CAMTA1: variants seen among roughly 807,000 people sequenced by gnomAD.
CAMTA1 encodes the protein calmodulin binding transcription activator 1.
A neutral mutation model predicts 170.9 loss-of-function variants in CAMTA1; 27 were observed. The ratio of observed to expected loss-of-function variants is 0.16; its 90% CI spans 0.12 to 0.22. The LOEUF (loss-of-function observed/expected upper bound fraction) is 0.22. CAMTA1 is among the 10% of genes least tolerant of loss of function. The probability of loss-of-function intolerance (pLI) is 1.00; values close to 1 mark genes in which losing one functional copy is unlikely to be tolerated. For synonymous variants in CAMTA1, 833 were observed against 891.5 expected, an observed-to-expected ratio of 0.93 and a Z score of 1.17; for missense variants, 1,619 against 2,217.2, an observed-to-expected ratio of 0.73 and a Z score of 5.42.
chr1:6,896,696 G>C (rs555286856), intron 3 of CAMTA1, among the ~76,000 whole-genome samples: 1 of 152,224 alleles, frequency 6.6e-6, no homozygotes, highest in East Asian at 1.9e-4. Context: ...CTACTTCTGA[G>C]GAACCCTTTG....
intron 5 of CAMTA1, among the ~76,000 whole-genome samples, chr1:7,380,569 T>G (rs2087216382): frequency 6.6e-6 from 1 of 152,068 alleles, no homozygotes; most frequent in African/African-American, 2.4e-5. Context: ...AGCGAAACTC[T>G]GTCTCAAAAA....
intron 3 of CAMTA1, among the ~76,000 whole-genome samples, chr1:6,904,830 T>C (rs1678013106): frequency 6.8e-6 from 1 of 148,076 alleles, no homozygotes; most frequent in African/African-American, 2.5e-5. Context: ...TGAGCTCAAG[T>C]GATCCTCCCG....
rs780867973 is a variant in CAMTA1 at position 7,746,087 on chromosome 1, A to G, written c.4613A>G (p.Tyr1538Cys). 6.2e-7 allele frequency: 1 copy of G among 1,613,990 alleles called. No individual in the cohort carries two copies. ...CTTGTCCAGACAGCTTTCCGGAAAT[A>G]CAAGGTAAACTAGAACAGAACCTTC... ...ARLVQTAFRK[Y>C]KGRPLREQQE... The change falls in exon 18 of 23, where the codon TAC becomes TGC. Residue 1538 changes from tyrosine to cysteine, a missense_variant. This residue lies in a region of CAMTA1 where 128 missense variants were observed against 213.5 expected (regional missense o/e 0.60). Coordinates refer to ENST00000303635, the MANE Select transcript of CAMTA1 (RefSeq NM_015215.4).
chr1:7,700,914 T>C (rs983408552), intron 11 of CAMTA1: 2 of 152,236 alleles, frequency 1.3e-5, no homozygotes, highest in Non-Finnish European at 1.5e-5. Context: ...GGACTTTCTG[T>C]TGTGCATCTC....
chr1:6,979,182 G>A (rs1003812097), intron 3 of CAMTA1, among the ~76,000 whole-genome samples: 2 of 152,180 alleles, frequency 1.3e-5, no homozygotes, highest in African/African-American at 4.8e-5. Context: ...TGGAGGGGTG[G>A]ACCAGGCCTG....
rs972054747 is a variant in CAMTA1 at position 6,887,117 on chromosome 1, G to A, written c.234+61907G>A. Among the ~76,000 whole-genome samples, 2 of 152,280 alleles carry A rather than the reference G, an allele frequency of 1.3e-5. No homozygotes were observed. Among genetic ancestry groups the A allele is most frequent in the Admixed American group, 1.3e-4 (2 of 15,298 alleles). ...GCATTGTGTTCTGTTGTATCAATAT[G>A]TACTTAGATATGTTAATCTGAATTA... On this transcript the variant is annotated intron_variant, in intron 3 of 22. Transcript: ENST00000303635. This position sits in a 1 kb window ranked among gnomAD's most constrained non-coding sequence, Gnocchi z 4.1.
chr1:7,351,020 G>A (rs1017313959), intron 5 of CAMTA1, among the ~76,000 whole-genome samples: 3 of 152,226 alleles, frequency 2.0e-5, no homozygotes. Flanking sequence ...GCCCATCACG[G>A]GTGGGGCGCA....
intron 5 of CAMTA1, among the ~76,000 whole-genome samples, chr1:7,364,488 C>T (rs1380126164): frequency 2.1e-4 from 32 of 151,384 alleles, no homozygotes; most frequent in Non-Finnish European, 8.8e-5. Flanking sequence ...CTTGCTCTGT[C>T]ACCCAGGCTG....
rs559747633 is a variant in CAMTA1 at position 7,205,398 on chromosome 1, C to T, written c.303-44093C>T. Reference sequence around the variant, plus strand: ...GATTACAGACGTGAGCCACCATGCCCGGCCTCCAACTACTATTATTGAATG... The same window carrying T: ...GATTACAGACGTGAGCCACCATGCCTGGCCTCCAACTACTATTATTGAATG... On this transcript the variant is annotated intron_variant, in intron 4 of 22. Transcript: ENST00000303635. Among the ~76,000 whole-genome samples, 40 of 152,300 alleles carry T rather than the reference C, an allele frequency of 2.6e-4. No homozygotes were observed. In the South Asian group the frequency reaches 7.5e-3, roughly 28 times the overall value.
chr1:6,841,689 G>A (rs372796835), intron 3 of CAMTA1, among the ~76,000 whole-genome samples: 1 of 152,180 alleles, frequency 6.6e-6, no homozygotes, highest in Non-Finnish European at 1.5e-5. Context: ...GTTCAGGGAC[G>A]ACTGCTGGAA....
chr1:6,832,627 C>T (rs984313627), intron 3 of CAMTA1, among the ~76,000 whole-genome samples: 2 of 152,124 alleles, frequency 1.3e-5, no homozygotes, highest in Non-Finnish European at 2.9e-5. Flanking sequence ...CACCAGTACT[C>T]TAATCATAAA....
At chr1:7,739,634 G>A (rs1477875978) in intron 16 of CAMTA1, among the ~76,000 whole-genome samples, 6 of 152,222 alleles carry the variant, frequency 3.9e-5, no homozygotes, top group Non-Finnish European at 8.8e-5. Context: ...TGGCAGGCAA[G>A]AGAGAATGAG....
chr1:7,068,780 A>C (rs1265270358), intron 3 of CAMTA1, among the ~76,000 whole-genome samples: 1 of 152,086 alleles, frequency 6.6e-6, no homozygotes, highest in Non-Finnish European at 1.5e-5. Context: ...TGGGACTATG[A>C]GTCATTTTCT....
At chr1:7,711,371 C>T (rs2096569495) in intron 11 of CAMTA1, among the ~76,000 whole-genome samples, 1 of 152,056 alleles carries the variant, frequency 6.6e-6, no homozygotes, top group Non-Finnish European at 1.5e-5. Context: ...CAGTCCATTG[C>T]ACTCCCCAAG....
In CAMTA1 at chr1:7,738,034, A is replaced by C; in HGVS notation, c.3734A>C (p.Lys1245Thr). ...ESHKDYPAPK[K>T]HKLNPEYFQT... ...CACAAAGATTATCCGGCTCCCAAAA[A>C]GCATAAATTGAACCCTGAGTACTTC... The change falls in exon 16 of 23, where the codon AAG becomes ACG. Residue 1245 changes from lysine to threonine, a missense_variant. By Grantham distance (78) the Lys-to-Thr change is moderately conservative. Around this residue, in one of 8 missense-constraint regions of CAMTA1, gnomAD observed 370 missense variants for 429.4 expected, o/e 0.86. Coordinates refer to ENST00000303635, the MANE Select transcript of CAMTA1 (RefSeq NM_015215.4). This position sits in a 1 kb window ranked among gnomAD's most constrained non-coding sequence, Gnocchi z 4.9. 1 of 1,614,176 alleles carries C rather than the reference A, an allele frequency of 6.2e-7. No individual in the cohort carries two copies. Among genetic ancestry groups the C allele is most frequent in the East Asian group, 2.2e-5 (1 of 44,882 alleles).
At chr1:7,169,514 C>A (rs902045617) in intron 4 of CAMTA1, among the ~76,000 whole-genome samples, 1 of 151,168 alleles carries the variant, frequency 6.6e-6, no homozygotes, top group Non-Finnish European at 1.5e-5. Flanking sequence ...TTCATTTAGA[C>A]TTTTTTTTTG....
intron 4 of CAMTA1, among the ~76,000 whole-genome samples, chr1:7,193,843 C>T (rs1420928294): frequency 2.0e-5 from 3 of 152,190 alleles, no homozygotes; most frequent in African/African-American, 7.2e-5. Flanking sequence ...GTGGATTTTA[C>T]AGAAGAGGCT....
chr1:7,440,480 T>C (rs2092489745), intron 5 of CAMTA1, among the ~76,000 whole-genome samples: 1 of 152,268 alleles, frequency 6.6e-6, no homozygotes, highest in Admixed American at 6.5e-5. Flanking sequence ...AAGGTTTGAT[T>C]GATTGCGTCG....
At position 7,463,887 on chromosome 1, in the gene CAMTA1, G is replaced by T. The variant is rs536684033; in HGVS notation, c.439-3943G>T. Among the ~76,000 whole-genome samples, 1 of 152,184 alleles carries T rather than the reference G, an allele frequency of 6.6e-6. No homozygotes were observed. The highest frequency in any genetic ancestry group is 1.5e-5 in the Non-Finnish European group (1 of 68,026). On this transcript the variant is annotated intron_variant, in intron 5 of 22. Transcript: ENST00000303635. The surrounding 1 kb of genome is among the most constrained non-coding windows in gnomAD (Gnocchi z 4.7). The stretch of plus-strand genomic sequence containing the variant: ...CTGCGGCCATGCTCCCTTCAGAAAC[G>T]CCACTTTCTTTTTTGAGGCATTTAC...
Sources: gnomAD v4.1 joint callset for allele counts (sites outside exome capture counted in the v4.1 genomes callset) on GRCh38, gnomAD v4.1.1 for gene constraint, gnomAD v4.1.1 regional missense constraint, Gnocchi (gnomAD v3.1) non-coding constraint, MANE v1.5 for transcripts, NCBI Gene and HGNC (gene_info 2026-07-23, HGNC 2026-07-21) for gene names.